ARHGAP42: variants seen among roughly 807,000 people sequenced by gnomAD.
ARHGAP42 encodes Rho GTPase activating protein 42.
Under a neutral mutation model 125.0 loss-of-function variants are expected in ARHGAP42, and 63 were observed. The ratio of observed to expected loss-of-function variants is 0.50; its 90% CI spans 0.41 to 0.62. ARHGAP42 has a LOEUF of 0.62. Ranked by LOEUF, ARHGAP42 falls within the 20% of genes least tolerant of loss-of-function variation. The pLI, the probability that ARHGAP42 is intolerant of heterozygous loss-of-function variation, is 0.00. For synonymous variants in ARHGAP42, 339 were observed against 351.0 expected (o/e 0.97, Z 0.38); for missense variants, 766 against 1,024.2 (o/e 0.75, Z 3.44).
At chr11:100,804,041 G>A (rs929162038) in intron 3 of ARHGAP42, among the ~76,000 whole-genome samples, 17 of 152,108 alleles carry the variant, frequency 1.1e-4, no homozygotes, top group African/African-American at 9.7e-5. Flanking sequence ...ACCTGGGCTC[G>A]TCACTGTAGC....
At chr11:100,914,995 T>C (rs79530880) in intron 5 of ARHGAP42, among the ~76,000 whole-genome samples, 4,204 of 152,214 alleles carry the variant, frequency 0.028, 200 homozygotes, top group African/African-American at 0.095. Context: ...ATGTTTAACA[T>C]TGGGAAGTTT....
rs539857823 is a variant in ARHGAP42, at chr11:100,766,731, G to A, written c.155-3612G>A. Reference sequence around the variant, plus strand: ...GAAAATATCATAACTTCTTTACCTTGATGGTTTTTTTGACCTCATCATTAC... The same window carrying A: ...GAAAATATCATAACTTCTTTACCTTAATGGTTTTTTTGACCTCATCATTAC... On this transcript the variant is annotated intron_variant, in intron 1 of 23. Transcript: ENST00000298815. Among the ~76,000 whole-genome samples the A allele has an allele frequency of 1.8e-4, 28 of 152,190 alleles. 1 individual carries two copies. The East Asian group carries it at 5.2e-3, about 28-fold the overall frequency.
intron 3 of ARHGAP42, among the ~76,000 whole-genome samples, chr11:100,818,961 T>A (rs1864340172): frequency 6.6e-6 from 1 of 152,054 alleles, no homozygotes; most frequent in Non-Finnish European, 1.5e-5. Flanking sequence ...AAAAATGGGT[T>A]ATGTAGAGGA....
chr11:100,742,707 A>G (rs971567351), intron 1 of ARHGAP42, among the ~76,000 whole-genome samples: 2 of 152,212 alleles, frequency 1.3e-5, no homozygotes, highest in African/African-American at 4.8e-5. Context: ...TAATGCCAGC[A>G]GAACTGGGAC....
intron 9 of ARHGAP42, 142 bp from the exon 10 acceptor site, chr11:100,943,617 A>G (rs1867939626): frequency 2.0e-6 from 1 of 510,618 alleles, no homozygotes. Flanking sequence ...CATCAGGAAT[A>G]AAAAAAGACA....
At chr11:100,930,329 A>G (rs1431054084) in intron 6 of ARHGAP42, among the ~76,000 whole-genome samples, 2 of 152,218 alleles carry the variant, frequency 1.3e-5, no homozygotes, top group African/African-American at 4.8e-5. Flanking sequence ...GATGAAATGA[A>G]CAAGTATATG....
chr11:100,862,800 G>A (rs559350487), intron 4 of ARHGAP42, among the ~76,000 whole-genome samples: 68 of 152,218 alleles, frequency 4.5e-4, no homozygotes, highest in African/African-American at 1.6e-3. Flanking sequence ...GGAGGCTGAG[G>A]CAGGTGGATC....
chr11:100,753,277 C>A (rs1319221936), intron 1 of ARHGAP42, among the ~76,000 whole-genome samples: 1 of 152,176 alleles, frequency 6.6e-6, no homozygotes, highest in African/African-American at 2.4e-5. Context: ...GGAAGCCTCA[C>A]CCAGCTCCCA....
intron 4 of ARHGAP42, among the ~76,000 whole-genome samples, chr11:100,866,159 T>G (rs935900247): frequency 6.6e-6 from 1 of 152,208 alleles, no homozygotes; most frequent in African/African-American, 2.4e-5. Flanking sequence ...GTTTCTTTGC[T>G]CATCCGTAAG....
chr11:100,758,944 G>T (rs1862637567), intron 1 of ARHGAP42, among the ~76,000 whole-genome samples: 1 of 152,090 alleles, frequency 6.6e-6, no homozygotes, highest in African/African-American at 2.4e-5. Flanking sequence ...CAAAGAAATA[G>T]AAGCCCATGA....
intron 17 of ARHGAP42, among the ~76,000 whole-genome samples, chr11:100,969,859 T>A (rs1241541382): frequency 6.6e-6 from 1 of 152,202 alleles, no homozygotes; most frequent in Non-Finnish European, 1.5e-5. Flanking sequence ...TGAGTCACAC[T>A]TTGCTGTTTC....
At chr11:100,769,712 CTTTTTTTTTTTTTTTTTTTT>C (rs140626690) in intron 1 of ARHGAP42, among the ~76,000 whole-genome samples, 5 of 78,094 alleles carry the variant, frequency 6.4e-5, no homozygotes, top group Non-Finnish European at 1.1e-4. Context: ...AGCATTCCTT[CTTTTTTTTTTTTTTTTTTTT>C]TTTTTTTTTT....
At chr11:100,858,112 TGTGTG>T (rs1591243359) in intron 3 of ARHGAP42, among the ~76,000 whole-genome samples, 3 of 148,846 alleles carry the variant, frequency 2.0e-5, no homozygotes, top group East Asian at 2.0e-4. Flanking sequence ...TGTGTGTGTG[TGTGTG>T]TGTGTGTTTA....
chr11:100,976,970 G>A lies in ARHGAP42; in HGVS notation c.2392G>A (p.Val798Ile), dbSNP rs778720455. The change falls in exon 21 of 24, where the codon GTA becomes ATA. Residue 798 changes from valine to isoleucine, a missense_variant and splice_region_variant. Val to Ile is a conservative substitution (Grantham distance 29, BLOSUM62 3). Transcript: ENST00000298815. The part of the protein sequence containing the change: ...SSNGYQRPGS[V>I]VAAKAQLFEN... ...CAATGGCTATCAGCGGCCTGGCTCAGTGTAAGTGAGCGTTTGTATATTTGC... is the reference window on the plus strand; with the variant it reads ...CAATGGCTATCAGCGGCCTGGCTCAATGTAAGTGAGCGTTTGTATATTTGC... 1.4e-5 allele frequency: 21 copies of A among 1,551,186 alleles called. No homozygotes were observed. Among genetic ancestry groups the A allele is most frequent in the Non-Finnish European group, 1.7e-5 (20 of 1,146,744 alleles).
chr11:100,799,275 G>A (rs1363585952), intron 3 of ARHGAP42, among the ~76,000 whole-genome samples: 2 of 152,196 alleles, frequency 1.3e-5, no homozygotes, highest in African/African-American at 2.4e-5. Flanking sequence ...GGAAACATTA[G>A]CCTACATGGG....
chr11:100,961,272 CA>C (rs1424720344), intron 14 of ARHGAP42, among the ~76,000 whole-genome samples: 2 of 151,996 alleles, frequency 1.3e-5, no homozygotes, highest in African/African-American at 2.4e-5. Context: ...CTAGCTCAGC[CA>C]CTTACAGGTT....
chr11:100,863,230 A>C (rs1218711360), intron 4 of ARHGAP42, among the ~76,000 whole-genome samples: 1 of 152,138 alleles, frequency 6.6e-6, no homozygotes, highest in Non-Finnish European at 1.5e-5. Flanking sequence ...TGGTGCATAA[A>C]GTTAATTCTA....
intron 3 of ARHGAP42, among the ~76,000 whole-genome samples, chr11:100,837,666 CTTTTT>C (rs373059302): frequency 0.026 from 1,587 of 60,040 alleles, 15 homozygotes; most frequent in East Asian, 0.12. Flanking sequence ...AGGTGTCATC[CTTTTT>C]TTTTTTTTTT....
chr11:100,689,131 A>G (rs1861142702), intron 1 of ARHGAP42, among the ~76,000 whole-genome samples: 1 of 152,204 alleles, frequency 6.6e-6, no homozygotes, highest in Non-Finnish European at 1.5e-5. Flanking sequence ...TTACTTAACC[A>G]AGGTAAAGAT....
Sources: gnomAD v4.1 joint callset for allele counts (sites outside exome capture counted in the v4.1 genomes callset) on GRCh38, gnomAD v4.1.1 for gene constraint, MANE v1.5 for transcripts, NCBI Gene and HGNC (gene_info 2026-07-23, HGNC 2026-07-21) for gene names.